Variants in GAS2L3 observed in about 807,000 individuals in gnomAD.
The protein encoded by GAS2L3 is GAS2-like protein 3.
GAS2L3 carries 28 observed loss-of-function variants against 37.0 expected under a neutral mutation model. The observed-to-expected ratio is 0.76, with a 90% CI of 0.56 to 1.04. The LOEUF (loss-of-function observed/expected upper bound fraction) is 1.04. Ranked by LOEUF, GAS2L3 falls within the 50% of genes least tolerant of loss-of-function variation. The pLI is 0.00. For missense variants in GAS2L3, 793 were observed against 817.6 expected (o/e 0.97, Z 0.37); for synonymous variants, 290 against 296.6 (o/e 0.98, Z 0.23).
intron 1 of GAS2L3, chr12:100,578,834 C>G: frequency 1.4e-6 from 1 of 699,052 alleles, no homozygotes; most frequent in Non-Finnish European, 2.7e-6. Context: ...ACGTAGAACC[C>G]ATACCCATAA....
Position 100,624,127 on chromosome 12 carries a change from C to T in GAS2L3, c.1322C>T (p.Thr441Ile), listed in dbSNP as rs146799727. 4 of 1,613,730 alleles carry T rather than the reference C, an allele frequency of 2.5e-6. No individual in the cohort carries two copies. The highest frequency in any genetic ancestry group is 3.4e-6 in the Non-Finnish European group (4 of 1,179,938). The change falls in exon 10 of 10, where the codon ACC becomes ATC. Residue 441 changes from threonine to isoleucine, a missense_variant. Thr to Ile is a moderately conservative substitution (Grantham distance 89). Coordinates refer to ENST00000547754, the MANE Select transcript of GAS2L3 (RefSeq NM_174942.3). ...SPRKCISSPN[T>I]PKAKVIPAQN... The stretch of plus-strand genomic sequence containing the variant: ...AGAAAATGTATTTCATCCCCCAATA[C>T]CCCCAAGGCCAAGGTTATTCCAGCC...
chr12:100,617,753 A>G lies in GAS2L3; in HGVS notation c.455A>G (p.Lys152Arg). The change falls in exon 7 of 10, where the codon AAA becomes AGA. Residue 152 changes from lysine (K) to arginine (R), a missense_variant. By Grantham distance (26) the Lys-to-Arg change is conservative. Coordinates refer to ENST00000547754, the MANE Select transcript of GAS2L3 (RefSeq NM_174942.3). ...GTTTTATTTTCCACAGTTTTGCACA[A>G]AGATCCAAGACAGGTGTATCTTTGT... Reference protein sequence around the residue: ...LFESEGLVLHKDPRQVYLCLL... With the variant: ...LFESEGLVLHRDPRQVYLCLL... The G allele has an allele frequency of 6.2e-7, 1 of 1,605,384 alleles. No homozygotes were observed. Among genetic ancestry groups the G allele is most frequent in the East Asian group, 2.2e-5 (1 of 44,662 alleles).
intron 1 of GAS2L3, chr12:100,579,606 G>C: frequency 1.3e-6 from 1 of 774,168 alleles, no homozygotes; most frequent in Non-Finnish European, 2.4e-6. Context: ...TCTTTTGGGA[G>C]CTTTAGAACA....
chr12:100,622,267 C>T lies in GAS2L3; in HGVS notation c.649-8C>T, dbSNP rs1326679632. ...CAAGCACTAAATTTTATTTGTTCGT[C>T]ATCTTAGGTTAAACATATTGCTGAG... is the stretch of plus-strand genomic sequence containing the variant. On this transcript the variant is annotated splice_polypyrimidine_tract_variant and splice_region_variant and intron_variant, in intron 8 of 9. Coordinates refer to ENST00000547754, the MANE Select transcript of GAS2L3 (RefSeq NM_174942.3). 1.1e-5 allele frequency: 16 copies of T among 1,458,764 alleles called. No homozygotes were observed. Among genetic ancestry groups the T allele is most frequent in the African/African-American group, 4.2e-5 (3 of 70,944 alleles). 90.4% of individuals were successfully genotyped at this position (1,458,764 alleles called of 1,614,324 possible).
rs1269267788 is a variant in GAS2L3 at position 100,591,787 on chromosome 12, G to T, written c.-100G>T. On this transcript the variant is annotated 5_prime_UTR_variant, in exon 2 of 10. Coordinates refer to ENST00000547754, the MANE Select transcript of GAS2L3 (RefSeq NM_174942.3). ...TAACTACTCCAAAGTCATATAGCCA[G>T]TATTTTCTGGAGCTGTAATTCAAAT... is the stretch of plus-strand genomic sequence containing the variant. 1 of 152,084 alleles carries T rather than the reference G, an allele frequency of 6.6e-6. No homozygotes were observed. The highest frequency in any genetic ancestry group is 2.1e-4 in the South Asian group (1 of 4,828). The allele number at this position is 152,084 out of a possible 1,614,324, so 9.4% of individuals were successfully genotyped here.
At chr12:100,599,243 T>A (rs1219265514) in intron 3 of GAS2L3, among the ~76,000 whole-genome samples, 2 of 152,250 alleles carry the variant, frequency 1.3e-5, no homozygotes, top group Non-Finnish European at 2.9e-5. Context: ...CATAATGACA[T>A]GATTACTTCT....
intron 1 of GAS2L3, among the ~76,000 whole-genome samples, chr12:100,588,225 G>A (rs997385093): frequency 1.3e-5 from 2 of 152,080 alleles, no homozygotes; most frequent in Admixed American, 1.3e-4. Flanking sequence ...TTCAGTGTAG[G>A]TTCTTTCTAT....
rs138247501 is a variant in GAS2L3, at chr12:100,618,861, A to C, written c.648+274A>C. 6.0e-3 allele frequency among the ~76,000 whole-genome samples: 912 copies of C among 152,284 alleles called. 6 individuals are homozygous for C. Among genetic ancestry groups the C allele is most frequent in the African/African-American group, 0.021 (857 of 41,564 alleles). On this transcript the variant is annotated intron_variant, in intron 8 of 9. Coordinates refer to ENST00000547754, the MANE Select transcript of GAS2L3 (RefSeq NM_174942.3). The stretch of plus-strand genomic sequence containing the variant: ...ATCATGAAGAGAACTATAGGCCACA[A>C]GAATTCATTGATTCTTTTTTCAGTC...
chr12:100,623,871 G>A lies in GAS2L3; in HGVS notation c.1066G>A (p.Ala356Thr). 1 of 1,613,990 alleles carries A rather than the reference G, an allele frequency of 6.2e-7. No individual in the cohort carries two copies. The highest frequency in any genetic ancestry group is 2.2e-5 in the East Asian group (1 of 44,876). ...ACGTCCACCAGGTGCATTGGTGCCA[G>A]CATCTTCACTGAAAGGAGGTAATCT... ...QGRPPGALVP[A>T]SSLKGGNLGS... The change falls in exon 10 of 10, where the codon GCA (alanine) becomes ACA (threonine). Residue 356 changes from alanine to threonine, a missense_variant. Ala to Thr is a moderately conservative substitution (Grantham distance 58). Transcript: ENST00000547754.
In GAS2L3 at chr12:100,612,044, A is replaced by G. The variant is rs1170809207; in HGVS notation, c.348A>G (p.Ser116=). ...RKVPCKKDAA[S]GSFFARDNTA... is the part of the protein sequence containing the mutation. ...TGCCCTGTAAGAAAGATGCTGCATC[A>G]GGTTCATTCTTTGCTCGGGACAATA... is the stretch of plus-strand genomic sequence containing the variant. Residue 116 remains serine, a synonymous_variant, in exon 6 of 10, where the codon TCA becomes TCG. Coordinates refer to ENST00000547754, the MANE Select transcript of GAS2L3 (RefSeq NM_174942.3). 4 of 1,611,366 alleles carry G rather than the reference A, an allele frequency of 2.5e-6. No individual in the cohort carries two copies. Among genetic ancestry groups the G allele is most frequent in the Non-Finnish European group, 2.5e-6 (3 of 1,177,656 alleles).
Position 100,624,180 on chromosome 12 carries a change from A to G in GAS2L3, c.1375A>G (p.Thr459Ala). The G allele has an allele frequency of 1.9e-6, 3 of 1,614,036 alleles. No homozygotes were observed. Among genetic ancestry groups the G allele is most frequent in the Non-Finnish European group, 2.5e-6 (3 of 1,180,008 alleles). The change falls in exon 10 of 10, where the codon ACA (threonine) becomes GCA (alanine). Residue 459 changes from threonine to alanine, a missense_variant. Physicochemically the swap from Thr to Ala is moderately conservative, Grantham distance 58. Coordinates refer to ENST00000547754, the MANE Select transcript of GAS2L3 (RefSeq NM_174942.3). ...GAATTCAGCAGATCTGCCCGAGTCC[A>G]CACTTTTGCCAAATAAGTGTTCAGG... ...AQNSADLPES[T>A]LLPNKCSGKT...
In GAS2L3 at chr12:100,594,865, C is replaced by CT; in HGVS notation, c.-30-4dup. 2 of 1,172,798 alleles carry CT rather than the reference C, an allele frequency of 1.7e-6. No individual in the cohort carries two copies. The highest frequency in any genetic ancestry group is 2.3e-6 in the Non-Finnish European group (2 of 858,220). The allele number at this position is 1,172,798 out of a possible 1,614,324, so 72.6% of individuals were successfully genotyped here. On this transcript the variant is annotated splice_polypyrimidine_tract_variant and intron_variant, in intron 2 of 9. Coordinates refer to ENST00000547754, the MANE Select transcript of GAS2L3 (RefSeq NM_174942.3). Reference sequence around the variant, plus strand: ...GTTAACTGTATGTTAATATTTTGTTCTTTTTTCAGAAAAGAAATTTCATTT... The same window carrying CT: ...GTTAACTGTATGTTAATATTTTGTTCTTTTTTTCAGAAAAGAAATTTCATTT...
At chr12:100,582,706 G>T (rs1173960911) in intron 1 of GAS2L3, among the ~76,000 whole-genome samples, 1 of 152,180 alleles carries the variant, frequency 6.6e-6, no homozygotes, top group Admixed American at 6.5e-5. Flanking sequence ...TCTAGTTACG[G>T]CTGTAACAAA....
intron 1 of GAS2L3, among the ~76,000 whole-genome samples, chr12:100,575,741 G>A (rs1483590547): frequency 6.6e-6 from 1 of 151,986 alleles, no homozygotes. Flanking sequence ...GCCTCCCAAA[G>A]CTCTGGGATT....
chr12:100,608,685 CT>C (rs1253771950), intron 5 of GAS2L3, among the ~76,000 whole-genome samples: 1 of 152,120 alleles, frequency 6.6e-6, no homozygotes, highest in Non-Finnish European at 1.5e-5. Flanking sequence ...CCGTGCCCAG[CT>C]GATTTTTTTT....
chr12:100,577,816 GA>G (rs1181564952), intron 1 of GAS2L3, among the ~76,000 whole-genome samples: 1 of 152,216 alleles, frequency 6.6e-6, no homozygotes, highest in Non-Finnish European at 1.5e-5. Context: ...AGTGAGTCTG[GA>G]AAAGAGGTGT....
rs1049749842 is a variant in GAS2L3, at chr12:100,628,228, T to C, written c.*3338T>C. ...TGTGTATATTTTCTTATGCCAGCAGTATTTGTATCCAATTTTAACTTAGGT... is the reference window on the plus strand; with the variant it reads ...TGTGTATATTTTCTTATGCCAGCAGCATTTGTATCCAATTTTAACTTAGGT... On this transcript the variant is annotated 3_prime_UTR_variant, in exon 10 of 10. Transcript: ENST00000547754. The C allele has an allele frequency of 4.6e-5, 7 of 152,208 alleles. No homozygotes were observed. Among genetic ancestry groups the C allele is most frequent in the African/African-American group, 1.7e-4 (7 of 41,460 alleles). The allele number at this position is 152,208 out of a possible 1,614,324, so 9.4% of individuals were successfully genotyped here.
At chr12:100,600,822 A>G (rs1955978899) in intron 4 of GAS2L3, among the ~76,000 whole-genome samples, 1 of 152,226 alleles carries the variant, frequency 6.6e-6, no homozygotes, top group African/African-American at 2.4e-5. Flanking sequence ...TGTTAATATT[A>G]AAATCATCTT....
At position 100,605,722 on chromosome 12, in the gene GAS2L3, TTTC is replaced by T. The variant is rs1171009431; in HGVS notation, c.303+3975_303+3977del. 2.0e-5 allele frequency among the ~76,000 whole-genome samples: 3 copies of T among 152,026 alleles called. No individual in the cohort carries two copies. In the East Asian group the frequency reaches 5.8e-4, roughly 29 times the overall value. On this transcript the variant is annotated intron_variant, in intron 5 of 9. Transcript: ENST00000547754. ...TATTTTTTTCAAGAAATTTTTCAATTTTCTTCTTAATTTCCTCATTGACCCACT... is the reference window on the plus strand; with the variant it reads ...TATTTTTTTCAAGAAATTTTTCAATTTTCTTAATTTCCTCATTGACCCACT...
Sources: gnomAD v4.1 joint callset for allele counts (sites outside exome capture counted in the v4.1 genomes callset) on GRCh38, gnomAD v4.1.1 for gene constraint, MANE v1.5 for transcripts, NCBI Gene and HGNC (gene_info 2026-07-23, HGNC 2026-07-21) for gene names.